TM4SF4: variants seen among roughly 807,000 people sequenced by gnomAD.
TM4SF4 encodes transmembrane 4 L6 family member 4.
Under a neutral mutation model 24.1 loss-of-function variants are expected in TM4SF4, and 24 were observed. That is an observed-to-expected ratio of 1.00 (90% CI 0.72 to 1.40). The LOEUF is 1.40. Among genes scored for constraint, TM4SF4 ranks in the 40% most tolerant of loss-of-function variants. TM4SF4 has a pLI of 0.00. For missense variants in TM4SF4, 254 were observed against 254.2 expected, an observed-to-expected ratio of 1.00 and a Z score of 0.01; for synonymous variants, 113 against 97.0, an observed-to-expected ratio of 1.17 and a Z score of -0.97.
chr3:149,480,035 A>G (rs1734006706), intron 2 of TM4SF4, among the ~76,000 whole-genome samples: 1 of 152,208 alleles, frequency 6.6e-6, no homozygotes, highest in South Asian at 2.1e-4. Context: ...CTCTCCTCTG[A>G]GGCAGAGCAA....
At chr3:149,497,526 G>A (rs574453303) in intron 3 of TM4SF4, among the ~76,000 whole-genome samples, 1 of 152,304 alleles carries the variant, frequency 6.6e-6, no homozygotes, top group African/African-American at 2.4e-5. Flanking sequence ...AGGAAACAAA[G>A]AGACCAATTT....
At chr3:149,500,257 C>CA (rs936284969) in intron 4 of TM4SF4, among the ~76,000 whole-genome samples, 7 of 151,882 alleles carry the variant, frequency 4.6e-5, no homozygotes, top group Admixed American at 6.6e-5. Flanking sequence ...AAAAATAAAA[C>CA]AAAAAACTAA....
At chr3:149,484,807 C>T (rs577212205) in intron 2 of TM4SF4, among the ~76,000 whole-genome samples, 29 of 152,214 alleles carry the variant, frequency 1.9e-4, no homozygotes, top group Admixed American at 1.6e-3. Flanking sequence ...CAGCCTCGGC[C>T]CCGCAAAGTG....
chr3:149,496,553 G>A (rs564944320), intron 3 of TM4SF4, among the ~76,000 whole-genome samples: 11 of 152,236 alleles, frequency 7.2e-5, no homozygotes, highest in African/African-American at 2.4e-4. Context: ...CGGATCACCC[G>A]AGGTCGGGAG....
rs943266223 is a variant in TM4SF4 at position 149,479,214 on chromosome 3, G to A, written c.264+3302G>A. On this transcript the variant is annotated intron_variant, in intron 2 of 4. Transcript: ENST00000305354. ...CACTGGGCCTGGCTGAGCTCCACAGGGCCCACCCTGGCTGCTCTACTCAGT... is the reference window on the plus strand; with the variant it reads ...CACTGGGCCTGGCTGAGCTCCACAGAGCCCACCCTGGCTGCTCTACTCAGT... 2.4e-4 allele frequency among the ~76,000 whole-genome samples: 37 copies of A among 152,006 alleles called. 1 individual carries two copies. Among genetic ancestry groups the A allele is most frequent in the Admixed American group, 6.6e-4 (10 of 15,250 alleles).
intron 4 of TM4SF4, among the ~76,000 whole-genome samples, chr3:149,500,485 A>G (rs1576523921): frequency 6.6e-6 from 1 of 152,116 alleles, no homozygotes; most frequent in African/African-American, 2.4e-5. Context: ...TTTCAGTTCT[A>G]CTGTATTGTA....
At chr3:149,500,126 T>C (rs559224589) in intron 4 of TM4SF4, among the ~76,000 whole-genome samples, 2 of 152,068 alleles carry the variant, frequency 1.3e-5, no homozygotes, top group Non-Finnish European at 2.9e-5. Context: ...CTTAAAAGAA[T>C]GTTTCCCCCA....
chr3:149,498,983 C>A, intron 4 of TM4SF4, 72 bp downstream of exon 4: 1 of 1,505,554 alleles, frequency 6.6e-7, no homozygotes, highest in Non-Finnish European at 9.1e-7. Flanking sequence ...TAAGGGAGGC[C>A]AGGTCAGGCC....
Position 149,502,632 on chromosome 3 carries a change from A to G in TM4SF4, c.592-44A>G, listed in dbSNP as rs201060669. Reference sequence around the variant, plus strand: ...AAGGAGGGGAAAAGCAAAAATTTACATAAATCATGACATCATAGTTAATTC... The same window carrying G: ...AAGGAGGGGAAAAGCAAAAATTTACGTAAATCATGACATCATAGTTAATTC... On this transcript the variant is annotated intron_variant, in intron 4 of 4. Transcript: ENST00000305354. 4 of 1,533,620 alleles carry G rather than the reference A, an allele frequency of 2.6e-6. No individual in the cohort carries two copies. In the Admixed American group the frequency reaches 5.0e-5, roughly 19 times the overall value.
chr3:149,484,267 T>A (rs1056234661), intron 2 of TM4SF4, among the ~76,000 whole-genome samples: 18 of 152,220 alleles, frequency 1.2e-4, no homozygotes, highest in African/African-American at 4.3e-4. Context: ...GTCACAAATA[T>A]CAATTCTCAT....
chr3:149,484,986 G>T (rs1488728024), intron 2 of TM4SF4, among the ~76,000 whole-genome samples: 4 of 152,130 alleles, frequency 2.6e-5, no homozygotes, highest in Non-Finnish European at 5.9e-5. Context: ...ACACAATTCT[G>T]TCATCTAACA....
chr3:149,498,892 A>T lies in TM4SF4; in HGVS notation c.572A>T (p.Gln191Leu). ...CTGGGGACCCTCTGTGGGGACTGCC[A>T]GTGTTGTGGCTGCTGTGGGGTAAGT... is the stretch of plus-strand genomic sequence containing the variant. ...GLLGTLCGDC[Q>L]CCGCCGGDGP... is the part of the protein sequence containing the mutation. Residue 191 changes from glutamine to leucine, a missense_variant, in exon 4 of 5, where the codon CAG becomes CTG. Physicochemically the swap from Gln to Leu is moderately radical, Grantham distance 113. Transcript: ENST00000305354. 7 of 1,613,900 alleles carry T rather than the reference A, an allele frequency of 4.3e-6. No individual in the cohort carries two copies. Among genetic ancestry groups the T allele is most frequent in the Non-Finnish European group, 5.9e-6 (7 of 1,179,842 alleles).
intron 2 of TM4SF4, among the ~76,000 whole-genome samples, chr3:149,486,170 A>G (rs972696309): frequency 7.9e-5 from 12 of 152,220 alleles, no homozygotes; most frequent in African/African-American, 2.9e-4. Flanking sequence ...CCAGATATGT[A>G]CTATGATAAT....
chr3:149,485,786 C>A (rs1296343698), intron 2 of TM4SF4, among the ~76,000 whole-genome samples: 2 of 138,504 alleles, frequency 1.4e-5, no homozygotes, highest in Non-Finnish European at 3.3e-5. Flanking sequence ...GGGCAAGACC[C>A]TGTCTAAAAA....
rs536333361 is a variant in TM4SF4, at chr3:149,500,902, G to T, written c.592-1774G>T. On this transcript the variant is annotated intron_variant, in intron 4 of 4. Coordinates refer to ENST00000305354, the MANE Select transcript of TM4SF4 (RefSeq NM_004617.4). ...TAACCAGATGTGGTGGCATGCACCTGTAGTCCCAGCTACTCAGGAGGCTGA... is the reference window on the plus strand; with the variant it reads ...TAACCAGATGTGGTGGCATGCACCTTTAGTCCCAGCTACTCAGGAGGCTGA... Among the ~76,000 whole-genome samples, 82 of 151,912 alleles carry T rather than the reference G, an allele frequency of 5.4e-4. 1 individual carries two copies. The highest frequency in any genetic ancestry group is 2.0e-3 in the African/African-American group (82 of 41,410).
Position 149,487,677 on chromosome 3 carries a change from T to C in TM4SF4, c.323T>C (p.Ile108Thr). The change falls in exon 3 of 5, where the codon ATC becomes ACC. Residue 108 changes from isoleucine (I) to threonine (T), a missense_variant. By Grantham distance (89) the Ile-to-Thr change is moderately conservative. Transcript: ENST00000305354. Reference protein sequence around the residue: ...VGFLGAGYSFIISAISINKGP... With the variant: ...VGFLGAGYSFTISAISINKGP... The stretch of plus-strand genomic sequence containing the variant: ...TTCTTGGGAGCTGGATACTCGTTTA[T>C]CATCTCAGCCATTTCAATCAACAAG... The C allele has an allele frequency of 6.2e-7, 1 of 1,614,032 alleles. No homozygotes were observed. The highest frequency in any genetic ancestry group is 1.1e-5 in the South Asian group (1 of 91,086).
chr3:149,496,529 C>T (rs565475555), intron 3 of TM4SF4, among the ~76,000 whole-genome samples: 5 of 152,146 alleles, frequency 3.3e-5, no homozygotes, highest in Non-Finnish European at 7.3e-5. Context: ...CAACTGTAAT[C>T]CCAACACTTT....
At chr3:149,492,222 G>C (rs932507603) in intron 3 of TM4SF4, among the ~76,000 whole-genome samples, 1 of 152,178 alleles carries the variant, frequency 6.6e-6, no homozygotes, top group African/African-American at 2.4e-5. Flanking sequence ...GGAGAAAAGA[G>C]GAAGGTAATC....
intron 3 of TM4SF4, among the ~76,000 whole-genome samples, chr3:149,491,974 C>T (rs1734219310): frequency 1.3e-5 from 2 of 152,256 alleles, no homozygotes; most frequent in African/African-American, 4.8e-5. Flanking sequence ...ACCTTCAGGA[C>T]ATCAGGGCAC....
Sources: allele counts gnomAD v4.1 joint callset (sites outside exome capture counted in the v4.1 genomes callset), GRCh38; gene constraint gnomAD v4.1.1; transcripts MANE v1.5; gene names NCBI Gene and HGNC (gene_info 2026-07-23, HGNC 2026-07-21).